The following EMCN variants were observed in gnomAD, a reference collection of about 807,000 sequenced individuals.
The protein encoded by EMCN is MUC-14.
A neutral mutation model predicts 38.4 loss-of-function variants in EMCN; 37 were observed. That is an observed-to-expected ratio of 0.96 (90% CI 0.74 to 1.27). The LOEUF is 1.27. EMCN is among the 50% of genes most tolerant of loss of function. The pLI is 0.00. For missense variants in EMCN, 318 were observed against 302.8 expected (o/e 1.05, Z -0.37); for synonymous variants, 95 against 100.8 (o/e 0.94, Z 0.35).
intron 1 of EMCN, among the ~76,000 whole-genome samples, chr4:100,493,341 G>T (rs1359037965): frequency 6.6e-6 from 1 of 152,042 alleles, no homozygotes; most frequent in Non-Finnish European, 1.5e-5. Flanking sequence ...AAGAAACTGT[G>T]ATTATAGTTG....
intron 5 of EMCN, among the ~76,000 whole-genome samples, chr4:100,438,661 G>A (rs1727422909): frequency 1.3e-5 from 2 of 151,858 alleles, no homozygotes; most frequent in Admixed American, 1.3e-4. Flanking sequence ...ACCTAGTACT[G>A]GATCTGAGTG....
At chr4:100,510,371 CT>C (rs1336641067) in intron 1 of EMCN, among the ~76,000 whole-genome samples, 1 of 152,084 alleles carries the variant, frequency 6.6e-6, no homozygotes, top group East Asian at 1.9e-4. Context: ...TAAAATATTA[CT>C]TGGCAGTCAT....
chr4:100,438,274 G>A (rs922090846), intron 5 of EMCN, among the ~76,000 whole-genome samples: 2 of 151,984 alleles, frequency 1.3e-5, no homozygotes, highest in Non-Finnish European at 2.9e-5. Context: ...AGGGTATTGA[G>A]TGCATTTTTG....
intron 3 of EMCN, among the ~76,000 whole-genome samples, chr4:100,469,496 C>A (rs1728415105): frequency 3.3e-5 from 2 of 61,186 alleles, no homozygotes; most frequent in African/African-American, 6.4e-5. Context: ...AAGCAGCTTA[C>A]AAATTGAGAA....
chr4:100,501,621 C>A (rs973172914), intron 1 of EMCN, among the ~76,000 whole-genome samples: 2 of 152,040 alleles, frequency 1.3e-5, no homozygotes, highest in Non-Finnish European at 2.9e-5. Context: ...ATTGCCCAGT[C>A]AATCCAGTTT....
chr4:100,445,375 T>A (rs188026092), intron 5 of EMCN, among the ~76,000 whole-genome samples: 2 of 152,340 alleles, frequency 1.3e-5, no homozygotes, highest in Non-Finnish European at 2.9e-5. Flanking sequence ...CATAAAATCA[T>A]CATCAATTTC....
Position 100,489,844 on chromosome 4 carries a change from G to C in EMCN, c.65-9805C>G, listed in dbSNP as rs191799985. Reference sequence around the variant, plus strand: ...CGACTGTGGGACTTGAGCATGCCTAGATTTCAGTACCTGCAGGTGTCCTAG... The same window carrying C: ...CGACTGTGGGACTTGAGCATGCCTACATTTCAGTACCTGCAGGTGTCCTAG... On this transcript the variant is annotated intron_variant, in intron 1 of 11. Transcript: ENST00000296420. Among the ~76,000 whole-genome samples the C allele has an allele frequency of 1.6e-3, 249 of 152,262 alleles. 1 individual carries two copies. The highest frequency in any genetic ancestry group is 5.8e-3 in the African/African-American group (240 of 41,548).
At chr4:100,430,144 GT>G (rs1727156434) in intron 5 of EMCN, among the ~76,000 whole-genome samples, 3 of 152,232 alleles carry the variant, frequency 2.0e-5, no homozygotes, top group African/African-American at 4.8e-5. Context: ...GACAGACATT[GT>G]TCTAAGTGTC....
chr4:100,486,221 G>A (rs538748540), intron 1 of EMCN, among the ~76,000 whole-genome samples: 1 of 152,172 alleles, frequency 6.6e-6, no homozygotes, highest in South Asian at 2.1e-4. Context: ...TTATTTTCTT[G>A]GAGGAAAATT....
At chr4:100,466,552 G>A (rs1728321845) in intron 3 of EMCN, among the ~76,000 whole-genome samples, 1 of 152,182 alleles carries the variant, frequency 6.6e-6, no homozygotes, top group African/African-American at 2.4e-5. Flanking sequence ...GAATTAGTGT[G>A]CAAACAAAAT....
Position 100,395,461 on chromosome 4 carries a change from A to G in EMCN, c.*2952T>C, listed in dbSNP as rs1253698688. ...CATCCATTAAGAATTCTCCATTAAGAATACTCATTATAGGTTTAATTAATC... is the reference window on the plus strand; with the variant it reads ...CATCCATTAAGAATTCTCCATTAAGGATACTCATTATAGGTTTAATTAATC... On this transcript the variant is annotated 3_prime_UTR_variant, in exon 12 of 12. Coordinates refer to ENST00000296420, the MANE Select transcript of EMCN (RefSeq NM_016242.4). 6.6e-6 allele frequency: 1 copy of G among 152,162 alleles called. No individual in the cohort carries two copies. The highest frequency in any genetic ancestry group is 2.4e-5 in the African/African-American group (1 of 41,448). The allele number at this position is 152,162 out of a possible 1,614,324, so 9.4% of individuals were successfully genotyped here.
chr4:100,501,259 T>C (rs992347773), intron 1 of EMCN, among the ~76,000 whole-genome samples: 1 of 152,160 alleles, frequency 6.6e-6, no homozygotes, highest in Admixed American at 6.5e-5. Flanking sequence ...TTTATTTTTT[T>C]CCACTGGCTA....
At chr4:100,486,693 G>A (rs1014615093) in intron 1 of EMCN, among the ~76,000 whole-genome samples, 7 of 152,234 alleles carry the variant, frequency 4.6e-5, no homozygotes, top group Non-Finnish European at 5.9e-5. Context: ...TCTGAGATTG[G>A]ACAGGTGTCT....
chr4:100,438,303 G>T (rs147635381), intron 5 of EMCN, among the ~76,000 whole-genome samples: 1 of 151,916 alleles, frequency 6.6e-6, no homozygotes, highest in Non-Finnish European at 1.5e-5. Flanking sequence ...CATTTTCAAC[G>T]TATGATGGGT....
chr4:100,487,527 C>A (rs1442445439), intron 1 of EMCN, among the ~76,000 whole-genome samples: 1 of 152,234 alleles, frequency 6.6e-6, no homozygotes, highest in Admixed American at 6.5e-5. Context: ...GGAGTTGTGT[C>A]CCCACCCAAA....
Position 100,473,365 on chromosome 4 carries a change from G to GTTTTTTTTTTT in EMCN, c.259+1672_259+1673insAAAAAAAAAAA. Among the ~76,000 whole-genome samples the GTTTTTTTTTTT allele has an allele frequency of 7.2e-3, 215 of 29,832 alleles. 38 individuals are homozygous for GTTTTTTTTTTT. The highest frequency in any genetic ancestry group is 0.013 in the South Asian group (6 of 454). 19.6% of individuals were successfully genotyped at this position (29,832 alleles called of 152,430 possible). A position where few individuals can be genotyped will look rare whatever the true frequency, so the allele number is the denominator to read the frequency against. On this transcript the variant is annotated intron_variant, in intron 3 of 11. Coordinates refer to ENST00000296420, the MANE Select transcript of EMCN (RefSeq NM_016242.4). ...TTCTAATGGGCATTTCCCGTTTCGTGTTTTTTTGTTTTTTTTTTTTGTTTT... is the reference window on the plus strand; with the variant it reads ...TTCTAATGGGCATTTCCCGTTTCGTGTTTTTTTTTTTTTTTTTTGTTTTTTTTTTTTGTTTT...
At chr4:100,420,736 T>C (rs1253890036) in intron 8 of EMCN, among the ~76,000 whole-genome samples, 2 of 152,098 alleles carry the variant, frequency 1.3e-5, no homozygotes, top group African/African-American at 4.8e-5. Context: ...GTATGGTGAC[T>C]CACTGTACTA....
At chr4:100,399,282 T>C (rs1726191814) in intron 11 of EMCN, among the ~76,000 whole-genome samples, 1 of 151,932 alleles carries the variant, frequency 6.6e-6, no homozygotes, top group Non-Finnish European at 1.5e-5. Flanking sequence ...AGAGATTAGG[T>C]GGTGTTGTGT....
At chr4:100,417,002 A>AAT in intron 9 of EMCN, 115 bp downstream of exon 9, 1 of 1,027,036 alleles carries the variant, frequency 9.7e-7, no homozygotes, top group Non-Finnish European at 1.5e-6. Flanking sequence ...AGTTAAAGCC[A>AAT]ATATGTAGAT....
Sources: allele counts gnomAD v4.1 joint callset (sites outside exome capture counted in the v4.1 genomes callset), GRCh38; gene constraint gnomAD v4.1.1; transcripts MANE v1.5; gene names NCBI Gene and HGNC (gene_info 2026-07-23, HGNC 2026-07-21).